The following ARHGAP44 variants were observed in gnomAD, a reference collection of about 807,000 sequenced individuals.
The protein encoded by ARHGAP44 is Rho GTPase activating protein 44.
Under a neutral mutation model 106.8 loss-of-function variants are expected in ARHGAP44, and 43 were observed. That is an observed-to-expected ratio of 0.40 (90% confidence interval 0.32 to 0.52). ARHGAP44 has a LOEUF of 0.52. Among genes scored for constraint, ARHGAP44 ranks in the 20% least tolerant of loss-of-function variants. The probability of loss-of-function intolerance (pLI) is 0.48; values close to 1 mark genes in which losing one functional copy is unlikely to be tolerated. For synonymous variants in ARHGAP44, 439 were observed against 410.3 expected, an observed-to-expected ratio of 1.07 and a Z score of -0.85; for missense variants, 866 against 1,050.5, an observed-to-expected ratio of 0.82 and a Z score of 2.43.
intron 1 of ARHGAP44, among the ~76,000 whole-genome samples, chr17:12,853,055 A>C (rs1173824023): frequency 6.6e-6 from 1 of 152,168 alleles, no homozygotes; most frequent in African/African-American, 2.4e-5. Flanking sequence ...TCACGTGATC[A>C]CAAGGTGAAG....
chr17:12,811,703 A>G (rs1597874949), intron 1 of ARHGAP44, among the ~76,000 whole-genome samples: 2 of 152,220 alleles, frequency 1.3e-5, no homozygotes, highest in South Asian at 2.1e-4. Flanking sequence ...ATTTTAGGAC[A>G]CCCAGTTGAT....
chr17:12,873,600 C>G (rs2036463808), intron 1 of ARHGAP44, among the ~76,000 whole-genome samples: 2 of 152,152 alleles, frequency 1.3e-5, no homozygotes, highest in Admixed American at 1.3e-4. Flanking sequence ...AAACCACCAG[C>G]TGGGCGCAAA....
intron 1 of ARHGAP44, among the ~76,000 whole-genome samples, chr17:12,866,516 A>G (rs935896457): frequency 6.6e-6 from 1 of 150,576 alleles, no homozygotes; most frequent in Non-Finnish European, 1.5e-5. Flanking sequence ...GAGAGAGAGG[A>G]AAAAAAAAAT....
intron 1 of ARHGAP44, among the ~76,000 whole-genome samples, chr17:12,848,854 C>CT (rs1187417961): frequency 1.3e-5 from 2 of 152,052 alleles, no homozygotes; most frequent in Non-Finnish European, 2.9e-5. Context: ...CGAGACCAGC[C>CT]TGACCAACAT....
intron 15 of ARHGAP44, among the ~76,000 whole-genome samples, chr17:12,957,641 C>T (rs541318835): frequency 1.3e-5 from 2 of 152,018 alleles, no homozygotes; most frequent in African/African-American, 4.8e-5. Flanking sequence ...AGATAACTTC[C>T]TAAGAGGGAG....
At chr17:12,964,423 G>A (rs2039340839) in intron 16 of ARHGAP44, among the ~76,000 whole-genome samples, 1 of 152,152 alleles carries the variant, frequency 6.6e-6, no homozygotes, top group Admixed American at 6.5e-5. Flanking sequence ...CTACATCCCC[G>A]ACTGAGCCTG....
chr17:12,884,386 C>T (rs1167721150), intron 1 of ARHGAP44, among the ~76,000 whole-genome samples: 5 of 152,130 alleles, frequency 3.3e-5, no homozygotes, highest in East Asian at 1.9e-4. Context: ...TCTATTTCTA[C>T]TCTTTCAGTG....
intron 18 of ARHGAP44, 67 bp from the exon 19 acceptor site, chr17:12,979,991 G>A (rs1163050236): frequency 1.1e-5 from 17 of 1,489,150 alleles, no homozygotes; most frequent in African/African-American, 1.4e-5. Context: ...GGTGGCCATC[G>A]GCAAGGCTGG....
At chr17:12,838,774 C>T (rs1319339179) in intron 1 of ARHGAP44, among the ~76,000 whole-genome samples, 3 of 152,060 alleles carry the variant, frequency 2.0e-5, no homozygotes, top group African/African-American at 7.2e-5. Flanking sequence ...TGGGTTCAAG[C>T]GATTCTCCTG....
intron 1 of ARHGAP44, among the ~76,000 whole-genome samples, chr17:12,802,645 C>T (rs2034128250): frequency 6.6e-6 from 1 of 151,528 alleles, no homozygotes; most frequent in Non-Finnish European, 1.5e-5. Context: ...GTTGACCAGG[C>T]TCTTTAATCA....
Position 12,833,275 on chromosome 17 carries a change from T to A in ARHGAP44, c.53+43384T>A, listed in dbSNP as rs770041639. On this transcript the variant is annotated intron_variant, in intron 1 of 20. Transcript: ENST00000379672. ...CTGTGTAAGGCTTTAGCACTGCATA[T>A]GTGTTTCATATTGATGGACTTTTTC... Among the ~76,000 whole-genome samples the A allele has an allele frequency of 2.2e-4, 33 of 152,294 alleles. No individual in the cohort carries two copies. In the South Asian group the frequency reaches 3.7e-3, roughly 17 times the overall value.
chr17:12,973,946 C>CA, intron 17 of ARHGAP44, 143 bp from the exon 18 acceptor site: 1 of 861,258 alleles, frequency 1.2e-6, no homozygotes, highest in Non-Finnish European at 1.9e-6. Context: ...GCACAGCCCC[C>CA]AATGCATCGC....
chr17:12,915,013 G>A lies in ARHGAP44; in HGVS notation c.276-887G>A, dbSNP rs372029601. 5.3e-5 allele frequency among the ~76,000 whole-genome samples: 8 copies of A among 152,098 alleles called. No homozygotes were observed. The East Asian group carries it at 1.2e-3, about 22-fold the overall frequency. On this transcript the variant is annotated intron_variant, in intron 4 of 20. Transcript: ENST00000379672. ...AAAAGGCAGTTACCTCTGCTCATAC[G>A]TTTGTTGACTTGTAAAAGCTTTTTT...
At chr17:12,888,248 AT>A (rs956183629) in intron 1 of ARHGAP44, among the ~76,000 whole-genome samples, 1 of 151,936 alleles carries the variant, frequency 6.6e-6, no homozygotes, top group East Asian at 1.9e-4. Flanking sequence ...TAATGCTATA[AT>A]TTTTTTCCCA....
chr17:12,827,679 G>T (rs1349709281), intron 1 of ARHGAP44, among the ~76,000 whole-genome samples: 3 of 151,944 alleles, frequency 2.0e-5, no homozygotes, highest in Non-Finnish European at 2.9e-5. Context: ...ATATTTCATG[G>T]TTTATATTGC....
At chr17:12,854,083 T>A (rs955799276) in intron 1 of ARHGAP44, among the ~76,000 whole-genome samples, 1 of 152,116 alleles carries the variant, frequency 6.6e-6, no homozygotes, top group Non-Finnish European at 1.5e-5. Flanking sequence ...GGGAGGAGGC[T>A]GGATTTAGAA....
At chr17:12,902,087 G>A (rs1016000592) in intron 3 of ARHGAP44, among the ~76,000 whole-genome samples, 1 of 152,104 alleles carries the variant, frequency 6.6e-6, no homozygotes, top group South Asian at 2.1e-4. Flanking sequence ...TCACTCTCCT[G>A]CCTAATCCTG....
chr17:12,898,748 A>G (rs1484443756), intron 3 of ARHGAP44, among the ~76,000 whole-genome samples: 1 of 152,198 alleles, frequency 6.6e-6, no homozygotes, highest in African/African-American at 2.4e-5. Context: ...ATATGTGTCC[A>G]AGATAAATGG....
At chr17:12,854,858 C>T (rs751593456) in intron 1 of ARHGAP44, among the ~76,000 whole-genome samples, 10 of 150,584 alleles carry the variant, frequency 6.6e-5, no homozygotes, top group East Asian at 5.9e-4. Flanking sequence ...CTTGGGAGGC[C>T]GAGGCCGCAG....
Sources: allele counts gnomAD v4.1 joint callset (sites outside exome capture counted in the v4.1 genomes callset), GRCh38; gene constraint gnomAD v4.1.1; transcripts MANE v1.5; gene names NCBI Gene and HGNC (gene_info 2026-07-23, HGNC 2026-07-21).